Variants in CHST11 observed in about 807,000 individuals in gnomAD.
The protein encoded by CHST11 is carbohydrate sulfotransferase 11, also known as C4S-1.
CHST11 carries 9 observed loss-of-function variants against 30.4 expected under a neutral mutation model. The ratio of observed to expected loss-of-function variants is 0.30; its 90% CI spans 0.18 to 0.52. The LOEUF (loss-of-function observed/expected upper bound fraction) is 0.52. CHST11 is among the 20% of genes least tolerant of loss of function. The probability of loss-of-function intolerance (pLI) is 0.97; values close to 1 mark genes in which losing one functional copy is unlikely to be tolerated. For missense variants in CHST11, 348 were observed against 460.6 expected (o/e 0.76, Z 2.24); for synonymous variants, 152 against 187.8 (o/e 0.81, Z 1.56).
intron 1 of CHST11, among the ~76,000 whole-genome samples, chr12:104,476,200 G>A (rs2037560093): frequency 7.3e-6 from 1 of 137,208 alleles, no homozygotes; most frequent in East Asian, 2.1e-4. Context: ...ATAAACACAT[G>A]CAAAAACAAT....
chr12:104,584,688 A>C (rs2038784398), intron 1 of CHST11, among the ~76,000 whole-genome samples: 1 of 152,160 alleles, frequency 6.6e-6, no homozygotes, highest in South Asian at 2.1e-4. Flanking sequence ...TTTAAACTCC[A>C]TTTTCATGTC....
At position 104,605,573 on chromosome 12, in the gene CHST11, C is replaced by T. The variant is rs189803726; in HGVS notation, c.204+3582C>T. 6.6e-5 allele frequency among the ~76,000 whole-genome samples: 10 copies of T among 151,892 alleles called. No homozygotes were observed. The East Asian group carries it at 1.9e-3, about 29-fold the overall frequency. On this transcript the variant is annotated intron_variant, in intron 2 of 2. Coordinates refer to ENST00000303694, the MANE Select transcript of CHST11 (RefSeq NM_018413.6). ...CAGCCTGGGCGAAAGAGCCAGACTC[C>T]GTCTCAAAAAAATAAAAAATAAAAA...
chr12:104,475,872 G>A (rs2037555600), intron 1 of CHST11, among the ~76,000 whole-genome samples: 1 of 142,988 alleles, frequency 7.0e-6, no homozygotes, highest in African/African-American at 2.5e-5. Flanking sequence ...CAGGGATTAG[G>A]GATGAATTTT....
intron 1 of CHST11, among the ~76,000 whole-genome samples, chr12:104,570,649 A>T (rs1345546087): frequency 1.3e-5 from 2 of 151,958 alleles, no homozygotes; most frequent in African/African-American, 4.8e-5. Flanking sequence ...CAGTATTAAC[A>T]ATTGCTACCA....
intron 2 of CHST11, among the ~76,000 whole-genome samples, chr12:104,630,288 T>A (rs2039258505): frequency 2.0e-5 from 3 of 152,296 alleles, no homozygotes; most frequent in South Asian, 4.2e-4. Context: ...TGTGTGGCTT[T>A]GGGGAAGTTG....
chr12:104,526,920 G>T (rs1298190565), intron 1 of CHST11, among the ~76,000 whole-genome samples: 3 of 152,146 alleles, frequency 2.0e-5, no homozygotes, highest in African/African-American at 7.2e-5. Flanking sequence ...TCCCGGGTTG[G>T]CAAGGCCTCC....
intron 1 of CHST11, among the ~76,000 whole-genome samples, chr12:104,576,986 C>T (rs944257670): frequency 1.9e-4 from 29 of 151,448 alleles, no homozygotes; most frequent in African/African-American, 7.1e-4. Context: ...GTGAGGGTGC[C>T]AGGAACATTC....
At chr12:104,742,642 G>A in intron 2 of CHST11, among the ~76,000 whole-genome samples, 1 of 152,142 alleles carries the variant, frequency 6.6e-6, no homozygotes, top group Admixed American at 6.5e-5. Context: ...CCCTGCCCAG[G>A]CCTCCGGAAG....
rs189126260 is a variant in CHST11 at position 104,559,540 on chromosome 12, C to T, written c.119-42366C>T. On this transcript the variant is annotated intron_variant, in intron 1 of 2. Transcript: ENST00000303694. Reference sequence around the variant, plus strand: ...GGTGAATCACCTAAGGTCAGGAGTTCGAGACCAGCCTGACCAACATGGTAA... The same window carrying T: ...GGTGAATCACCTAAGGTCAGGAGTTTGAGACCAGCCTGACCAACATGGTAA... 1.2e-3 allele frequency among the ~76,000 whole-genome samples: 187 copies of T among 152,220 alleles called. 3 individuals are homozygous for T. Among genetic ancestry groups the T allele is most frequent in the Non-Finnish European group, 1.5e-3 (100 of 68,022 alleles).
intron 1 of CHST11, among the ~76,000 whole-genome samples, chr12:104,582,890 C>T (rs147330293): frequency 4.6e-5 from 7 of 151,782 alleles, no homozygotes; most frequent in Non-Finnish European, 7.4e-5. Context: ...CACAGGTGGC[C>T]GCAAGCTCTG....
intron 2 of CHST11, among the ~76,000 whole-genome samples, chr12:104,681,011 T>A (rs2039790830): frequency 6.6e-6 from 1 of 152,200 alleles, no homozygotes; most frequent in African/African-American, 2.4e-5. Flanking sequence ...AGGGTTGTTG[T>A]GAGGATGAAT....
chr12:104,698,245 C>T (rs553971382), intron 2 of CHST11, among the ~76,000 whole-genome samples: 3 of 152,130 alleles, frequency 2.0e-5, no homozygotes, highest in Non-Finnish European at 2.9e-5. Flanking sequence ...ATCATCCCAA[C>T]CTCAACCCAT....
At chr12:104,509,121 G>T (rs3924373) in intron 1 of CHST11, among the ~76,000 whole-genome samples, 5 of 152,132 alleles carry the variant, frequency 3.3e-5, no homozygotes, top group Non-Finnish European at 7.3e-5. Context: ...TCCTGTGGGA[G>T]GTCATTGAAC....
intron 2 of CHST11, among the ~76,000 whole-genome samples, chr12:104,719,198 G>A (rs2040154837): frequency 6.6e-6 from 1 of 152,164 alleles, no homozygotes; most frequent in South Asian, 2.1e-4. Context: ...TGTCTTCTAG[G>A]CTGACAGCTC....
chr12:104,587,804 CTCT>C (rs2038819440), intron 1 of CHST11, among the ~76,000 whole-genome samples: 1 of 146,284 alleles, frequency 6.8e-6, no homozygotes, highest in Non-Finnish European at 1.5e-5. Flanking sequence ...TTGTTTCAGA[CTCT>C]TCAATTCGTT....
chr12:104,616,169 A>G (rs2039105765), intron 2 of CHST11, among the ~76,000 whole-genome samples: 1 of 152,208 alleles, frequency 6.6e-6, no homozygotes, highest in South Asian at 2.1e-4. Flanking sequence ...CGTCTGCCGG[A>G]TAATCTGCCA....
At chr12:104,652,110 C>T (rs896499679) in intron 2 of CHST11, among the ~76,000 whole-genome samples, 1 of 152,176 alleles carries the variant, frequency 6.6e-6, no homozygotes, top group Non-Finnish European at 1.5e-5. Flanking sequence ...GCAGTCGCCG[C>T]TCCATGCCAC....
At chr12:104,555,125 C>T (rs34784608) in intron 1 of CHST11, among the ~76,000 whole-genome samples, 52,407 of 152,118 alleles carry the variant, frequency 0.34, 9,389 homozygotes, top group Middle Eastern at 0.56. Flanking sequence ...TTGTCAATGC[C>T]AAGCTTGTGA....
At chr12:104,498,185 G>A (rs1171576697) in intron 1 of CHST11, among the ~76,000 whole-genome samples, 2 of 152,034 alleles carry the variant, frequency 1.3e-5, no homozygotes, top group African/African-American at 4.8e-5. Flanking sequence ...CTCCCAAAGT[G>A]CTGTGAGCTG....
Sources: gnomAD v4.1 joint callset for allele counts (sites outside exome capture counted in the v4.1 genomes callset) on GRCh38, gnomAD v4.1.1 for gene constraint, MANE v1.5 for transcripts, NCBI Gene and HGNC (gene_info 2026-07-23, HGNC 2026-07-21) for gene names.